Variants in DISC1 observed in about 807,000 individuals in gnomAD.
DISC1 encodes disrupted in schizophrenia 1 protein.
DISC1 carries 57 observed loss-of-function variants against 84.5 expected under a neutral mutation model. The ratio of observed to expected loss-of-function variants is 0.67; its 90% CI spans 0.55 to 0.84. The LOEUF (loss-of-function observed/expected upper bound fraction) is 0.84, where lower values mean the gene tolerates loss of function less well. Ranked by LOEUF, DISC1 falls within the 40% of genes least tolerant of loss-of-function variation. DISC1 has a pLI of 0.00. For synonymous variants in DISC1, 411 were observed against 415.2 expected (o/e 0.99, Z 0.12); for missense variants, 1,000 against 1,057.8 (o/e 0.95, Z 0.76).
chr1:231,901,360 A>G (rs2088159868), intron 9 of DISC1, among the ~76,000 whole-genome samples: 1 of 152,230 alleles, frequency 6.6e-6, no homozygotes, highest in African/African-American at 2.4e-5. Flanking sequence ...TAATTTCACC[A>G]ATTTTGCTTG....
At chr1:231,773,324 G>A (rs1268771451) in intron 6 of DISC1, among the ~76,000 whole-genome samples, 1 of 152,166 alleles carries the variant, frequency 6.6e-6, no homozygotes, top group Non-Finnish European at 1.5e-5. Flanking sequence ...CACAGAGAAG[G>A]CATGAATGTG....
chr1:231,885,549 T>G (rs2086622082), intron 9 of DISC1, among the ~76,000 whole-genome samples: 3 of 152,212 alleles, frequency 2.0e-5, no homozygotes. Context: ...AAGCCTCAGC[T>G]GAAGATCATA....
intron 9 of DISC1, among the ~76,000 whole-genome samples, chr1:231,917,430 T>A (rs2089715114): frequency 6.6e-6 from 1 of 152,228 alleles, no homozygotes; most frequent in African/African-American, 2.4e-5. Context: ...ACTCTTATAT[T>A]TGGGGAGTGT....
At chr1:231,713,703 G>GAT (rs141599033) in intron 3 of DISC1, among the ~76,000 whole-genome samples, 2,254 of 129,446 alleles carry the variant, frequency 0.017, 39 homozygotes, top group East Asian at 0.057. Flanking sequence ...ATATATAGGA[G>GAT]ATATATATAT....
chr1:231,631,980 G>T (rs2125093345), intron 1 of DISC1, among the ~76,000 whole-genome samples: 1 of 152,230 alleles, frequency 6.6e-6, no homozygotes, highest in African/African-American at 2.4e-5. Context: ...TCCTATAGAG[G>T]TGTACCATTT....
chr1:231,795,157 G>A, intron 6 of DISC1, 85 bp from the exon 7 acceptor site: 1 of 1,332,780 alleles, frequency 7.5e-7, no homozygotes. Flanking sequence ...CCAGTGGAAG[G>A]TTCACTTTTT....
chr1:231,952,693 A>T (rs567839001), intron 9 of DISC1, among the ~76,000 whole-genome samples: 15 of 92,086 alleles, frequency 1.6e-4, no homozygotes, highest in South Asian at 1.2e-3. Flanking sequence ...ATATATGTTT[A>T]TATATATATA....
chr1:231,824,956 G>C (rs930881894), intron 9 of DISC1, among the ~76,000 whole-genome samples: 1 of 151,996 alleles, frequency 6.6e-6, no homozygotes, highest in Non-Finnish European at 1.5e-5. Context: ...GAGTACTTAC[G>C]ATATGCTAGG....
Position 232,009,476 on chromosome 1 carries a change from T to C in DISC1, c.2307+427T>C, listed in dbSNP as rs1754593. 176,858 of 611,506 alleles carry C rather than the reference T, an allele frequency of 0.29. 26,678 individuals carry two copies. The highest frequency in any genetic ancestry group is 0.33 in the African/African-American group (16,404 of 49,448). The allele number at this position is 611,506 out of a possible 1,614,324, so 37.9% of individuals were successfully genotyped here. On this transcript the variant is annotated intron_variant, in intron 11 of 12. Transcript: ENST00000439617. This position sits in a 1 kb window ranked among gnomAD's most constrained non-coding sequence, Gnocchi z 4.6. ...ATGATGTTTATATATTTAGAATCTA[T>C]ATATTACAATATATTATTATTTATT... is the stretch of plus-strand genomic sequence containing the variant.
At chr1:231,677,558 A>T (rs535913186) in intron 1 of DISC1, among the ~76,000 whole-genome samples, 1 of 152,344 alleles carries the variant, frequency 6.6e-6, no homozygotes, top group East Asian at 1.9e-4. Flanking sequence ...TCATGATTTT[A>T]TTGTATCCTT....
chr1:232,020,069 C>T (rs569864203), intron 11 of DISC1, among the ~76,000 whole-genome samples: 17 of 152,228 alleles, frequency 1.1e-4, no homozygotes, highest in Middle Eastern at 3.4e-3. Flanking sequence ...TGGCCAGGTG[C>T]GGTGGCTCAC....
chr1:231,883,548 G>A (rs891501562), intron 9 of DISC1, among the ~76,000 whole-genome samples: 5 of 152,174 alleles, frequency 3.3e-5, no homozygotes, highest in Non-Finnish European at 7.3e-5. Flanking sequence ...CCAAGCCAAA[G>A]AGCTTTCTCC....
chr1:231,758,870 G>A (rs1324727029), intron 4 of DISC1, among the ~76,000 whole-genome samples: 2 of 152,154 alleles, frequency 1.3e-5, no homozygotes, highest in South Asian at 2.1e-4. Flanking sequence ...CAATATGTAC[G>A]TGAAAACTGG....
intron 10 of DISC1, among the ~76,000 whole-genome samples, chr1:231,971,624 A>T (rs1282716735): frequency 6.6e-6 from 1 of 152,228 alleles, no homozygotes; most frequent in African/African-American, 2.4e-5. Context: ...AGCTGCAGAC[A>T]CTTTAGGTGC....
intron 3 of DISC1, 66 bp from the exon 4 acceptor site, chr1:231,749,860 A>G: frequency 6.3e-7 from 1 of 1,594,838 alleles, no homozygotes; most frequent in Non-Finnish European, 8.6e-7. Flanking sequence ...GCTAAGAGAC[A>G]CCGGGGTTAT....
At chr1:231,794,478 C>T (rs1305369228) in intron 6 of DISC1, among the ~76,000 whole-genome samples, 1 of 152,090 alleles carries the variant, frequency 6.6e-6, no homozygotes, top group East Asian at 1.9e-4. Flanking sequence ...AATTGCATGC[C>T]TGTGTTTCTT....
At chr1:231,771,845 C>T (rs946317954) in intron 6 of DISC1, among the ~76,000 whole-genome samples, 1 of 152,096 alleles carries the variant, frequency 6.6e-6, no homozygotes, top group Non-Finnish European at 1.5e-5. Context: ...GCTTTGTTGC[C>T]CAGGCTGGAG....
intron 9 of DISC1, among the ~76,000 whole-genome samples, chr1:231,932,833 T>C (rs546451200): frequency 1.3e-5 from 2 of 152,214 alleles, no homozygotes; most frequent in Non-Finnish European, 2.9e-5. Flanking sequence ...AGAGTTGGCA[T>C]CCTAAAATTC....
rs567702911 is a variant in DISC1 at position 232,033,529 on chromosome 1, A to G, written c.2426-3163A>G. 1.3e-4 allele frequency among the ~76,000 whole-genome samples: 20 copies of G among 152,306 alleles called. 1 individual carries two copies. In the South Asian group the frequency reaches 3.7e-3, roughly 28 times the overall value. On this transcript the variant is annotated intron_variant, in intron 12 of 12. Transcript: ENST00000439617. Reference sequence around the variant, plus strand: ...CCTCCCATCTCACTGTGAACACAGCACAGCTGGACATAACTACCAACATGG... The same window carrying G: ...CCTCCCATCTCACTGTGAACACAGCGCAGCTGGACATAACTACCAACATGG...
Sources: gnomAD v4.1 joint callset for allele counts (sites outside exome capture counted in the v4.1 genomes callset) on GRCh38, gnomAD v4.1.1 for gene constraint, Gnocchi (gnomAD v3.1) non-coding constraint, MANE v1.5 for transcripts, NCBI Gene and HGNC (gene_info 2026-07-23, HGNC 2026-07-21) for gene names.